Variants in MTFR1 observed in about 807,000 individuals in gnomAD.
The protein encoded by MTFR1 is chondrocyte protein with a poly-proline region.
Under a neutral mutation model 38.8 loss-of-function variants are expected in MTFR1, and 28 were observed. That is an observed-to-expected ratio of 0.72 (90% CI 0.53 to 0.99). The LOEUF (loss-of-function observed/expected upper bound fraction) is 0.99. MTFR1 is among the 50% of genes least tolerant of loss of function. The pLI is 0.00. For synonymous variants in MTFR1, 145 were observed against 137.0 expected, an observed-to-expected ratio of 1.06 and a Z score of -0.41; for missense variants, 358 against 395.5, an observed-to-expected ratio of 0.91 and a Z score of 0.81.
At chr8:65,708,120 A>C in intron 7 of MTFR1, 109 bp downstream of exon 7, 2 of 1,600,034 alleles carry the variant, frequency 1.2e-6, no homozygotes, top group Non-Finnish European at 1.7e-6. Context: ...TTCCAAAGGG[A>C]GGTGATACAG....
At chr8:65,772,849 C>CA (rs1004522272), downstream of MTFR1, among the ~76,000 whole-genome samples, 10 of 150,796 alleles carry the variant, frequency 6.6e-5, no homozygotes, top group South Asian at 2.1e-4. Context: ...AATAAAAATA[C>CA]AAAAAAAAAT....
At chr8:65,750,976 C>A (rs1807923641) in intron 3 of MTFR1, among the ~76,000 whole-genome samples, 1 of 152,150 alleles carries the variant, frequency 6.6e-6, no homozygotes, top group Non-Finnish European at 1.5e-5. Context: ...ATAAAGAAAC[C>A]TACATAACAG....
downstream of MTFR1, among the ~76,000 whole-genome samples, chr8:65,713,907 C>T (rs1806029578): frequency 1.3e-5 from 2 of 151,940 alleles, no homozygotes; most frequent in South Asian, 2.1e-4. Flanking sequence ...AGGTTGGTCT[C>T]GAACTCCTGA....
intron 3 of MTFR1, among the ~76,000 whole-genome samples, chr8:65,753,049 T>C (rs1021919315): frequency 2.7e-4 from 41 of 152,226 alleles, no homozygotes; most frequent in Admixed American, 1.7e-3. Context: ...TTGTGCTTTA[T>C]GGTAAAGCTA....
intron 3 of MTFR1, among the ~76,000 whole-genome samples, chr8:65,730,132 T>C (rs939311157): frequency 4.7e-5 from 7 of 147,502 alleles, no homozygotes; most frequent in African/African-American, 1.2e-4. Flanking sequence ...ACAAACCCTA[T>C]TGTAAACTGT....
At chr8:65,658,890 A>G (rs1809336945) in intron 1 of MTFR1, among the ~76,000 whole-genome samples, 1 of 152,174 alleles carries the variant, frequency 6.6e-6, no homozygotes, top group Non-Finnish European at 1.5e-5. Flanking sequence ...GGTGACAGGA[A>G]ACAGCACTGA....
downstream of MTFR1, among the ~76,000 whole-genome samples, chr8:65,772,021 T>G (rs1809109964): frequency 1.3e-5 from 2 of 149,380 alleles, no homozygotes; most frequent in Admixed American, 6.7e-5. Context: ...GAATAAGAGA[T>G]AACGAGGCAG....
In MTFR1 at chr8:65,707,983, A is replaced by C. The variant is rs140645332; in HGVS notation, c.905A>C (p.Glu302Ala). ...DEVEKGIPKSESEATSERVLF... is the reference protein window; with the variant it reads ...DEVEKGIPKSASEATSERVLF... ...GTTGAAAAAGGAATTCCAAAGTCTG[A>C]ATCAGAGGCCACCTCAGAGAGAGTG... The change falls in exon 7 of 8, where the codon GAA (glutamate) becomes GCA (alanine). Residue 302 changes from glutamate to alanine, a missense_variant. By Grantham distance (107) the Glu-to-Ala change is moderately radical (BLOSUM62 -1). Coordinates refer to ENST00000262146, the MANE Select transcript of MTFR1 (RefSeq NM_014637.4). The C allele has an allele frequency of 5.6e-6, 9 of 1,613,098 alleles. No individual in the cohort carries two copies. The highest frequency in any genetic ancestry group is 7.6e-6 in the Non-Finnish European group (9 of 1,179,878).
At chr8:65,751,257 G>A (rs1464026698) in intron 3 of MTFR1, among the ~76,000 whole-genome samples, 1 of 152,190 alleles carries the variant, frequency 6.6e-6, no homozygotes, top group Non-Finnish European at 1.5e-5. Context: ...AGATTTAATA[G>A]AGGACCAGAA....
At chr8:65,680,710 G>T (rs1804853085) in intron 2 of MTFR1, among the ~76,000 whole-genome samples, 1 of 152,112 alleles carries the variant, frequency 6.6e-6, no homozygotes, top group Non-Finnish European at 1.5e-5. Flanking sequence ...TAAAAAAGTG[G>T]TAGTATCCAT....
At chr8:65,722,642 C>G (rs928391417) in intron 3 of MTFR1, 1 of 152,278 alleles carries the variant, frequency 6.6e-6, no homozygotes, top group African/African-American at 2.4e-5. Flanking sequence ...CAATCCTAGT[C>G]AACTTTCCTG....
intron 3 of MTFR1, among the ~76,000 whole-genome samples, chr8:65,753,552 CTTCT>C (rs981157093): frequency 3.5e-5 from 5 of 143,200 alleles, no homozygotes; most frequent in African/African-American, 1.0e-4. Flanking sequence ...AAAATTAAGA[CTTCT>C]TTGTGTCCTA....
chr8:65,763,380 A>T (rs898104176), intron 3 of MTFR1, among the ~76,000 whole-genome samples: 2 of 152,166 alleles, frequency 1.3e-5, no homozygotes, highest in African/African-American at 4.8e-5. Flanking sequence ...AGCCTGACCA[A>T]CATGGTGAAA....
chr8:65,646,484 A>G (rs1347307606), intron 1 of MTFR1, among the ~76,000 whole-genome samples: 3 of 152,226 alleles, frequency 2.0e-5, no homozygotes, highest in East Asian at 3.8e-4. Flanking sequence ...AATACAAACA[A>G]TAGTGAGAGA....
intron 6 of MTFR1, 105 bp from the exon 7 acceptor site, chr8:65,707,738 C>T (rs1161677522): frequency 7.2e-7 from 1 of 1,383,800 alleles, no homozygotes; most frequent in Admixed American, 2.3e-5. Flanking sequence ...TATGGAGTAG[C>T]TATGATGCTG....
intron 3 of MTFR1, among the ~76,000 whole-genome samples, chr8:65,770,314 G>T (rs1809022338): frequency 6.6e-6 from 1 of 152,238 alleles, no homozygotes; most frequent in African/African-American, 2.4e-5. Flanking sequence ...TGGACTCACA[G>T]TTCCATGTGG....
intron 3 of MTFR1, among the ~76,000 whole-genome samples, chr8:65,762,038 AGCCACTGTATCT>A (rs1297279573): frequency 6.6e-6 from 1 of 152,224 alleles, no homozygotes; most frequent in Admixed American, 6.5e-5. Context: ...GGAGCCCTGC[AGCCACTGTATCT>A]GCCACCTTAA....
At chr8:65,658,690 A>T (rs1585746384) in intron 1 of MTFR1, among the ~76,000 whole-genome samples, 1 of 152,322 alleles carries the variant, frequency 6.6e-6, no homozygotes, top group East Asian at 1.9e-4. Context: ...GATTCTTAGC[A>T]ATTTTTTTAA....
At chr8:65,725,696 A>G (rs1806579952) in intron 3 of MTFR1, 1 of 151,502 alleles carries the variant, frequency 6.6e-6, no homozygotes, top group South Asian at 2.1e-4. Context: ...CACAATATTG[A>G]ATGTTAAAAC....
Sources: allele counts gnomAD v4.1 joint callset (sites outside exome capture counted in the v4.1 genomes callset), GRCh38; gene constraint gnomAD v4.1.1; transcripts MANE v1.5; gene names NCBI Gene and HGNC (gene_info 2026-07-23, HGNC 2026-07-21).